Variants in UVRAG observed in about 807,000 individuals in gnomAD.
UVRAG encodes the protein UV radiation resistance associated, also known as UV radiation resistance-associated gene protein.
UVRAG carries 19 observed loss-of-function variants against 78.0 expected under a neutral mutation model. The observed-to-expected ratio is 0.24, with a 90% CI of 0.17 to 0.36. The LOEUF (loss-of-function observed/expected upper bound fraction) is 0.36, where lower values mean the gene tolerates loss of function less well. Ranked by LOEUF, UVRAG falls within the 10% of genes least tolerant of loss-of-function variation. The probability of loss-of-function intolerance (pLI) is 1.00; values close to 1 mark genes in which losing one functional copy is unlikely to be tolerated. For synonymous variants in UVRAG, 323 were observed against 324.6 expected, an observed-to-expected ratio of 1.00 and a Z score of 0.05; for missense variants, 740 against 853.8, an observed-to-expected ratio of 0.87 and a Z score of 1.66.
intron 7 of UVRAG, among the ~76,000 whole-genome samples, chr11:75,978,753 C>G (rs896558708): frequency 1.3e-5 from 2 of 152,184 alleles, no homozygotes; most frequent in African/African-American, 4.8e-5. Flanking sequence ...GCTGTTTATT[C>G]TAGTTAGCCA....
chr11:76,138,553 A>G (rs1159064886), intron 14 of UVRAG, among the ~76,000 whole-genome samples: 4 of 152,228 alleles, frequency 2.6e-5, no homozygotes, highest in Admixed American at 1.3e-4. Context: ...CTTGTGCGGC[A>G]AGCACTGCTG....
At chr11:76,053,747 G>A (rs1402297980) in intron 12 of UVRAG, among the ~76,000 whole-genome samples, 4 of 151,994 alleles carry the variant, frequency 2.6e-5, no homozygotes, top group African/African-American at 7.3e-5. Flanking sequence ...CAAAGCAGGC[G>A]GATCATGAGG....
intron 12 of UVRAG, among the ~76,000 whole-genome samples, chr11:76,053,344 A>ACACACACACACACACACACACACACACAC (rs60133924): frequency 1.5e-3 from 207 of 142,394 alleles, no homozygotes; most frequent in African/African-American, 3.9e-3. Context: ...CACACACACA[A>ACACACACACACACACACACACACACACAC]AAATAAATAT....
chr11:76,022,278 AT>A (rs937242742), intron 12 of UVRAG, among the ~76,000 whole-genome samples: 1 of 152,062 alleles, frequency 6.6e-6, no homozygotes, highest in African/African-American at 2.4e-5. Flanking sequence ...CTGTCATTAG[AT>A]GCTATTTATG....
At chr11:75,975,074 T>A (rs1949208633) in intron 7 of UVRAG, among the ~76,000 whole-genome samples, 1 of 152,224 alleles carries the variant, frequency 6.6e-6, no homozygotes, top group Admixed American at 6.5e-5. Flanking sequence ...AAGGAAGGGA[T>A]CCAGTTTCAG....
intron 13 of UVRAG, among the ~76,000 whole-genome samples, chr11:76,067,987 G>A (rs61624710): frequency 6.6e-6 from 1 of 152,024 alleles, no homozygotes; most frequent in African/African-American, 2.4e-5. Flanking sequence ...AAGGTCAGAA[G>A]GCTATTGGAA....
At chr11:75,865,768 G>A in intron 3 of UVRAG, among the ~76,000 whole-genome samples, 1 of 151,886 alleles carries the variant, frequency 6.6e-6, no homozygotes, top group South Asian at 2.1e-4. Context: ...GTGCCCGCCA[G>A]CATGCCCGGC....
At chr11:75,855,294 CAG>C (rs1243957313) in intron 2 of UVRAG, among the ~76,000 whole-genome samples, 2 of 152,206 alleles carry the variant, frequency 1.3e-5, no homozygotes, top group Non-Finnish European at 2.9e-5. Context: ...TAGCTGGTGA[CAG>C]AGCACGGGGA....
intron 6 of UVRAG, among the ~76,000 whole-genome samples, chr11:75,946,339 T>G (rs1407371486): frequency 6.6e-6 from 1 of 152,192 alleles, no homozygotes; most frequent in African/African-American, 2.4e-5. Flanking sequence ...TTGACTAATG[T>G]GATAATGTGC....
intron 3 of UVRAG, among the ~76,000 whole-genome samples, chr11:75,863,023 G>A (rs1378856511): frequency 2.6e-5 from 4 of 152,224 alleles, no homozygotes; most frequent in African/African-American, 9.6e-5. Context: ...GGTACCCAGA[G>A]AGTTCCAACA....
chr11:75,832,136 T>C (rs1945671988), intron 1 of UVRAG, among the ~76,000 whole-genome samples: 1 of 152,212 alleles, frequency 6.6e-6, no homozygotes, highest in Admixed American at 6.5e-5. Context: ...GCTGTTCCAC[T>C]TACAACACTT....
At chr11:76,123,952 GAC>G (rs1370284525) in intron 14 of UVRAG, among the ~76,000 whole-genome samples, 1 of 151,862 alleles carries the variant, frequency 6.6e-6, no homozygotes, top group Non-Finnish European at 1.5e-5. Context: ...TTTTAGTAGA[GAC>G]AGGGTTTCAC....
intron 13 of UVRAG, among the ~76,000 whole-genome samples, chr11:76,109,474 A>G (rs1418187739): frequency 6.6e-6 from 1 of 152,216 alleles, no homozygotes; most frequent in African/African-American, 2.4e-5. Flanking sequence ...TAAAATTCTA[A>G]TTGAACTCTT....
At chr11:75,846,759 T>G (rs1376463713) in intron 1 of UVRAG, among the ~76,000 whole-genome samples, 1 of 152,164 alleles carries the variant, frequency 6.6e-6, no homozygotes, top group Non-Finnish European at 1.5e-5. Context: ...TGTCTCTTCT[T>G]TTGCCAATAC....
chr11:75,864,575 C>T (rs781701075), intron 3 of UVRAG, among the ~76,000 whole-genome samples: 3 of 152,138 alleles, frequency 2.0e-5, no homozygotes, highest in Non-Finnish European at 2.9e-5. Context: ...TAGGATTTTG[C>T]GATTTTTAAG....
At chr11:75,875,641 C>CT (rs914381511) in intron 3 of UVRAG, among the ~76,000 whole-genome samples, 4 of 128,770 alleles carry the variant, frequency 3.1e-5, no homozygotes, top group African/African-American at 1.2e-4. Context: ...TCATATTGGT[C>CT]TTTTTATCTC....
chr11:76,012,447 T>G (rs746021451), intron 11 of UVRAG, among the ~76,000 whole-genome samples: 24 of 152,202 alleles, frequency 1.6e-4, no homozygotes, highest in Non-Finnish European at 3.4e-4. Flanking sequence ...GTATAATTCT[T>G]GCCACAATTC....
intron 13 of UVRAG, among the ~76,000 whole-genome samples, chr11:76,075,869 T>C (rs1951395637): frequency 6.6e-6 from 1 of 152,230 alleles, no homozygotes; most frequent in South Asian, 2.1e-4. Flanking sequence ...CTGGCTTTAT[T>C]TGCTTTCCAT....
chr11:76,138,307 C>G (rs1271430140), intron 14 of UVRAG, among the ~76,000 whole-genome samples: 1 of 152,200 alleles, frequency 6.6e-6, no homozygotes, highest in African/African-American at 2.4e-5. Flanking sequence ...GAACAAACCA[C>G]ATGACCCACC....
Sources: gnomAD v4.1 joint callset for allele counts (sites outside exome capture counted in the v4.1 genomes callset) on GRCh38, gnomAD v4.1.1 for gene constraint, MANE v1.5 for transcripts, NCBI Gene and HGNC (gene_info 2026-07-23, HGNC 2026-07-21) for gene names.